MAPK10: variants seen among roughly 807,000 people sequenced by gnomAD.
MAPK10 encodes JNK3 alpha protein kinase.
A neutral mutation model predicts 59.3 loss-of-function variants in MAPK10; 25 were observed. The ratio of observed to expected loss-of-function variants is 0.42; its 90% CI spans 0.31 to 0.59. The LOEUF is 0.59. Ranked by LOEUF, MAPK10 falls within the 20% of genes least tolerant of loss-of-function variation. The pLI is 0.15. For missense variants in MAPK10, 351 were observed against 568.9 expected (o/e 0.62, Z 3.90); for synonymous variants, 190 against 200.5 (o/e 0.95, Z 0.44).
chr4:86,209,562 C>T (rs1444436414), intron 2 of MAPK10, among the ~76,000 whole-genome samples: 6 of 151,956 alleles, frequency 3.9e-5, no homozygotes, highest in Admixed American at 2.0e-4. Context: ...AATCTGATTT[C>T]CATAGTTATC....
intron 1 of MAPK10, among the ~76,000 whole-genome samples, chr4:86,366,985 G>A (rs906230133): frequency 1.3e-5 from 2 of 152,084 alleles, no homozygotes; most frequent in African/African-American, 4.8e-5. Flanking sequence ...GGAGAAGCTG[G>A]CCATCCTATC....
At chr4:86,487,185 T>G (rs1434210440) in intron 1 of MAPK10, among the ~76,000 whole-genome samples, 1 of 152,106 alleles carries the variant, frequency 6.6e-6, no homozygotes, top group Non-Finnish European at 1.5e-5. Flanking sequence ...CAAATTAGAT[T>G]ATGGAGTATG....
chr4:86,094,748 C>G (rs2053914977), intron 9 of MAPK10, among the ~76,000 whole-genome samples: 1 of 151,564 alleles, frequency 6.6e-6, no homozygotes, highest in African/African-American at 2.4e-5. Context: ...AAGCTGCTTT[C>G]CTGTAAATTT....
intron 2 of MAPK10, among the ~76,000 whole-genome samples, chr4:86,341,720 C>G (rs1725014715): frequency 6.6e-6 from 1 of 150,794 alleles, no homozygotes; most frequent in Non-Finnish European, 1.5e-5. Context: ...CACAAATTAA[C>G]TACTAGAAGA....
intron 1 of MAPK10, among the ~76,000 whole-genome samples, chr4:86,404,268 GAGAGAATGGT>G (rs1403400201): frequency 6.6e-6 from 1 of 152,090 alleles, no homozygotes; most frequent in Non-Finnish European, 1.5e-5. Flanking sequence ...AATGACATGG[GAGAGAATGGT>G]ACAACACTTA....
At chr4:86,568,468 G>A (rs537208687) in intron 1 of MAPK10, among the ~76,000 whole-genome samples, 25 of 151,804 alleles carry the variant, frequency 1.6e-4, no homozygotes, top group Non-Finnish European at 3.4e-4. Flanking sequence ...AAATAAAAAC[G>A]GCCCAAGTAG....
intron 1 of MAPK10, among the ~76,000 whole-genome samples, chr4:86,387,654 C>T (rs78193356): frequency 0.022 from 3,314 of 152,056 alleles, 106 homozygotes; most frequent in African/African-American, 0.077. Flanking sequence ...GCCTTGGTTG[C>T]CTTGGTTGTT....
chr4:86,086,290 C>T (rs1029652147), intron 9 of MAPK10, among the ~76,000 whole-genome samples: 7 of 151,138 alleles, frequency 4.6e-5, no homozygotes, highest in Non-Finnish European at 5.9e-5. Context: ...GGATGGTTAA[C>T]GGCTAAAATA....
Position 86,013,317 on chromosome 4 carries a change from C to A in MAPK10, c.*3911G>T, listed in dbSNP as rs954186948. On this transcript the variant is annotated 3_prime_UTR_variant, in exon 14 of 14. Transcript: ENST00000641462. ...AATGATATCTGTGGAAAATGTTGAACTCTTATAATTAAAATGTGTGTGGGG... is the reference window on the plus strand; with the variant it reads ...AATGATATCTGTGGAAAATGTTGAAATCTTATAATTAAAATGTGTGTGGGG... The A allele has an allele frequency of 3.3e-5, 5 of 152,056 alleles. No individual in the cohort carries two copies. Among genetic ancestry groups the A allele is most frequent in the Admixed American group, 2.6e-4 (4 of 15,248 alleles). The allele number at this position is 152,056 out of a possible 1,614,324, so 9.4% of individuals were successfully genotyped here. A position where few individuals can be genotyped will look rare whatever the true frequency, so the allele number is the denominator to read the frequency against.
chr4:86,572,129 C>A (rs946525016), intron 1 of MAPK10, among the ~76,000 whole-genome samples: 1 of 151,966 alleles, frequency 6.6e-6, no homozygotes, highest in Admixed American at 6.6e-5. Context: ...TTTGTTCTTA[C>A]CAGAACAGTG....
intron 1 of MAPK10, among the ~76,000 whole-genome samples, chr4:86,421,555 TA>T (rs1224433494): frequency 2.0e-5 from 3 of 151,992 alleles, no homozygotes; most frequent in Non-Finnish European, 1.5e-5. Context: ...AGCTTGTATC[TA>T]AAAAAGAAAG....
At chr4:86,235,878 T>C (rs577079335) in intron 2 of MAPK10, among the ~76,000 whole-genome samples, 22 of 152,290 alleles carry the variant, frequency 1.4e-4, no homozygotes, top group Admixed American at 9.8e-4. Flanking sequence ...GCAAACTTAG[T>C]AGCTTCAAAC....
chr4:86,146,018 A>G (rs1254060816), intron 4 of MAPK10, among the ~76,000 whole-genome samples: 1 of 152,226 alleles, frequency 6.6e-6, no homozygotes, highest in African/African-American at 2.4e-5. Flanking sequence ...TGAAGAGGAC[A>G]GTACCAAAGT....
intron 1 of MAPK10, among the ~76,000 whole-genome samples, chr4:86,420,501 T>G (rs1746376718): frequency 6.6e-6 from 1 of 152,132 alleles, no homozygotes; most frequent in African/African-American, 2.4e-5. Flanking sequence ...AAAAACTCAA[T>G]TTTTGGCTGG....
intron 4 of MAPK10, among the ~76,000 whole-genome samples, chr4:86,138,720 C>G (rs2062843398): frequency 6.6e-6 from 1 of 151,668 alleles, no homozygotes; most frequent in Admixed American, 6.6e-5. Context: ...AAACGGTATT[C>G]AATTAGGAAC....
chr4:86,482,788 G>A (rs764945971), intron 1 of MAPK10, among the ~76,000 whole-genome samples: 1 of 152,158 alleles, frequency 6.6e-6, no homozygotes, highest in African/African-American at 2.4e-5. Flanking sequence ...CAGAATTCTA[G>A]CACTCTAGGT....
chr4:86,153,328 A>G (rs1476217592), intron 4 of MAPK10, among the ~76,000 whole-genome samples: 1 of 152,322 alleles, frequency 6.6e-6, no homozygotes, highest in African/African-American at 2.4e-5. Context: ...TTAAATGACT[A>G]TTTTTCAAAT....
At chr4:86,326,723 T>C (rs2096031044) in intron 2 of MAPK10, 1 of 152,148 alleles carries the variant, frequency 6.6e-6, no homozygotes, top group African/African-American at 2.4e-5. Flanking sequence ...AAATAACAAC[T>C]AAAAGTCTAG....
intron 1 of MAPK10, among the ~76,000 whole-genome samples, chr4:86,432,087 G>T (rs1173464609): frequency 6.6e-6 from 1 of 152,138 alleles, no homozygotes; most frequent in African/African-American, 2.4e-5. Flanking sequence ...TGATTTCTGT[G>T]TAGCCCCTAG....
Sources: gnomAD v4.1 joint callset for allele counts (sites outside exome capture counted in the v4.1 genomes callset) on GRCh38, gnomAD v4.1.1 for gene constraint, MANE v1.5 for transcripts, NCBI Gene and HGNC (gene_info 2026-07-23, HGNC 2026-07-21) for gene names.